PDE4D: variants seen among roughly 807,000 people sequenced by gnomAD.
PDE4D encodes the protein 3',5'-cyclic-AMP phosphodiesterase 4D.
PDE4D carries 24 observed loss-of-function variants against 87.4 expected under a neutral mutation model. The observed-to-expected ratio is 0.27, with a 90% CI of 0.20 to 0.39. The LOEUF is 0.39. Ranked by LOEUF, PDE4D falls within the 10% of genes least tolerant of loss-of-function variation. The probability of loss-of-function intolerance (pLI) is 1.00; values close to 1 mark genes in which losing one functional copy is unlikely to be tolerated. For synonymous variants in PDE4D, 384 were observed against 383.2 expected (o/e 1.00, Z -0.02); for missense variants, 714 against 1,041.0 (o/e 0.69, Z 4.32).
intron 2 of PDE4D, among the ~76,000 whole-genome samples, chr5:59,205,204 T>C (rs1748471658): frequency 6.6e-6 from 1 of 152,044 alleles, no homozygotes; most frequent in African/African-American, 2.4e-5. Context: ...CAGTGAGATT[T>C]TTTTTTTAAA....
chr5:59,856,430 G>A (rs980895203), intron 1 of PDE4D, among the ~76,000 whole-genome samples: 9 of 152,104 alleles, frequency 5.9e-5, no homozygotes, highest in Non-Finnish European at 1.0e-4. Flanking sequence ...CAATGTGTAC[G>A]ACAGTTAAAT....
chr5:60,048,949 C>A (rs1161822396), intron 2 of PDE4D, among the ~76,000 whole-genome samples: 1 of 152,122 alleles, frequency 6.6e-6, no homozygotes, highest in Non-Finnish European at 1.5e-5. Flanking sequence ...TGGATAATAT[C>A]CTGCAGAGTG....
chr5:59,145,297 G>C (rs1778468698), intron 5 of PDE4D, among the ~76,000 whole-genome samples: 1 of 152,066 alleles, frequency 6.6e-6, no homozygotes, highest in South Asian at 2.1e-4. Context: ...TTAAACCCAG[G>C]CTGGCAGGCT....
At chr5:59,370,447 T>C (rs1783769129) in intron 1 of PDE4D, among the ~76,000 whole-genome samples, 1 of 152,212 alleles carries the variant, frequency 6.6e-6, no homozygotes, top group Non-Finnish European at 1.5e-5. Context: ...TTGCTATTTC[T>C]TTTTCTTGAA....
intron 1 of PDE4D, among the ~76,000 whole-genome samples, chr5:59,249,477 G>A (rs1358135155): frequency 6.6e-6 from 1 of 152,064 alleles, no homozygotes; most frequent in Non-Finnish European, 1.5e-5. Context: ...TCAGAGATAA[G>A]CCAATGTTTC....
chr5:59,591,972 GTGTA>G (rs1165353000), intron 1 of PDE4D, among the ~76,000 whole-genome samples: 3 of 152,060 alleles, frequency 2.0e-5, no homozygotes, highest in East Asian at 1.9e-4. Context: ...TTTCACATGT[GTGTA>G]TGTATGTGTA....
chr5:59,901,725 A>C (rs967650298), intron 3 of PDE4D, among the ~76,000 whole-genome samples: 1 of 152,166 alleles, frequency 6.6e-6, no homozygotes, highest in African/African-American at 2.4e-5. Flanking sequence ...CAGTGAGAGG[A>C]CATTTTATGT....
At chr5:59,641,710 T>A (rs1741611380) in intron 1 of PDE4D, among the ~76,000 whole-genome samples, 1 of 152,148 alleles carries the variant, frequency 6.6e-6, no homozygotes, top group South Asian at 2.1e-4. Flanking sequence ...TAAATCTAAA[T>A]CTTACTAATA....
intron 5 of PDE4D, among the ~76,000 whole-genome samples, chr5:59,082,464 A>G (rs1024910185): frequency 1.3e-5 from 2 of 152,152 alleles, no homozygotes; most frequent in African/African-American, 4.8e-5. Flanking sequence ...ACTGAAAGGT[A>G]TAAAAAAGGT....
At chr5:59,400,674 G>A (rs1462161327) in intron 1 of PDE4D, among the ~76,000 whole-genome samples, 1 of 151,394 alleles carries the variant, frequency 6.6e-6, no homozygotes, top group African/African-American at 2.4e-5. Context: ...CATGGCACAT[G>A]TATACGTATG....
chr5:59,874,325 C>T (rs1748247381), intron 1 of PDE4D, among the ~76,000 whole-genome samples: 1 of 152,152 alleles, frequency 6.6e-6, no homozygotes, highest in Non-Finnish European at 1.5e-5. Flanking sequence ...ATTCTCATTG[C>T]ATTATTGGAA....
chr5:60,180,674 A>T (rs1784309228), intron 2 of PDE4D, among the ~76,000 whole-genome samples: 1 of 152,178 alleles, frequency 6.6e-6, no homozygotes. Context: ...ATATTTGTAG[A>T]ACTTTGTAAA....
chr5:60,430,437 T>G (rs1408395138), intron 1 of PDE4D, among the ~76,000 whole-genome samples: 1 of 151,884 alleles, frequency 6.6e-6, no homozygotes, highest in Non-Finnish European at 1.5e-5. Flanking sequence ...CTTTCCCTTC[T>G]GCCTCGCATG....
chr5:59,174,780 A>C (rs187978805), intron 5 of PDE4D, among the ~76,000 whole-genome samples: 1 of 152,172 alleles, frequency 6.6e-6, no homozygotes, highest in African/African-American at 2.4e-5. Flanking sequence ...TGTAAGAAGG[A>C]CCATGGACTC....
intron 3 of PDE4D, among the ~76,000 whole-genome samples, chr5:59,921,959 A>G (rs530665155): frequency 6.6e-6 from 1 of 152,304 alleles, no homozygotes; most frequent in African/African-American, 2.4e-5. Context: ...GGTAGGAAAG[A>G]AAGTCTTGAA....
intron 5 of PDE4D, among the ~76,000 whole-genome samples, chr5:59,176,631 G>T (rs1783933271): frequency 6.6e-6 from 1 of 152,016 alleles, no homozygotes; most frequent in Non-Finnish European, 1.5e-5. Flanking sequence ...AGAGGAAGAG[G>T]GTATTGTAAA....
At chr5:59,140,061 A>G (rs1016576715) in intron 5 of PDE4D, among the ~76,000 whole-genome samples, 3 of 152,252 alleles carry the variant, frequency 2.0e-5, no homozygotes, top group African/African-American at 4.8e-5. Context: ...AGAGAGGAGT[A>G]GGATTGTGGA....
chr5:59,996,940 A>G (rs1376550935), intron 2 of PDE4D, among the ~76,000 whole-genome samples: 1 of 152,186 alleles, frequency 6.6e-6, no homozygotes, highest in African/African-American at 2.4e-5. Flanking sequence ...AGAGACAGAA[A>G]TCACTGAAGT....
chr5:59,413,445 G>C (rs945013790), intron 1 of PDE4D, among the ~76,000 whole-genome samples: 3 of 107,708 alleles, frequency 2.8e-5, no homozygotes, highest in African/African-American at 1.5e-4. Context: ...GTGACTGAGT[G>C]AGACTCCATC....
Sources: gnomAD v4.1 joint callset for allele counts (sites outside exome capture counted in the v4.1 genomes callset) on GRCh38, gnomAD v4.1.1 for gene constraint, MANE v1.5 for transcripts, NCBI Gene and HGNC (gene_info 2026-07-23, HGNC 2026-07-21) for gene names.